Variants in MCC observed in about 807,000 individuals in gnomAD.
MCC encodes MCC regulator of Wnt signaling pathway.
A neutral mutation model predicts 116.2 loss-of-function variants in MCC; 90 were observed. The observed-to-expected ratio is 0.77, with a 90% confidence interval of 0.65 to 0.92. The LOEUF (loss-of-function observed/expected upper bound fraction) is 0.92, where lower values mean the gene tolerates loss of function less well. MCC is among the 40% of genes least tolerant of loss of function. The pLI is 0.00. For synonymous variants in MCC, 578 were observed against 510.5 expected (o/e 1.13, Z -1.78); for missense variants, 1,516 against 1,312.2 (o/e 1.16, Z -2.40).
rs574444329 is a variant in MCC, at chr5:113,450,262, T to C, written c.170+37983A>G. Among the ~76,000 whole-genome samples, 15 of 152,290 alleles carry C rather than the reference T, an allele frequency of 9.8e-5. No homozygotes were observed. The South Asian group carries it at 3.1e-3, about 32-fold the overall frequency. On this transcript the variant is annotated intron_variant, in intron 1 of 18. Coordinates refer to ENST00000408903, the MANE Select transcript of MCC (RefSeq NM_001085377.2). ...TAGCACCTTACCTTGAATTAGTTTA[T>C]TAATTTAAGCCTAGAGAATGGACTT...
chr5:113,046,986 G>C lies in MCC; in HGVS notation c.2655+2107C>G, dbSNP rs562229934. 2.0e-5 allele frequency among the ~76,000 whole-genome samples: 3 copies of C among 152,148 alleles called. No homozygotes were observed. The East Asian group carries it at 5.8e-4, about 29-fold the overall frequency. Reference sequence around the variant, plus strand: ...AGTGCATCAACTCCACAACCCTCCGGGCCATTAAACGTGCTGTCCCATCAG... The same window carrying C: ...AGTGCATCAACTCCACAACCCTCCGCGCCATTAAACGTGCTGTCCCATCAG... On this transcript the variant is annotated intron_variant, in intron 16 of 18. Coordinates refer to ENST00000408903, the MANE Select transcript of MCC (RefSeq NM_001085377.2).
chr5:113,088,301 C>T (rs1194145141), intron 8 of MCC, among the ~76,000 whole-genome samples: 2 of 151,894 alleles, frequency 1.3e-5, no homozygotes, highest in Non-Finnish European at 2.9e-5. Flanking sequence ...GAAACTAAGG[C>T]TAAAGCCAAT....
intron 3 of MCC, among the ~76,000 whole-genome samples, chr5:113,295,471 T>A (rs565284735): frequency 1.4e-4 from 21 of 151,992 alleles, no homozygotes; most frequent in African/African-American, 4.8e-4. Context: ...GTCGATAGGC[T>A]CCCCAACCCC....
chr5:113,182,891 C>T (rs1296782983), intron 3 of MCC, among the ~76,000 whole-genome samples: 1 of 152,114 alleles, frequency 6.6e-6, no homozygotes, highest in Non-Finnish European at 1.5e-5. Flanking sequence ...TGTGACGAGG[C>T]CATAGTGAAG....
chr5:113,230,895 A>C (rs1194750357), intron 3 of MCC, among the ~76,000 whole-genome samples: 1 of 152,138 alleles, frequency 6.6e-6, no homozygotes, highest in Non-Finnish European at 1.5e-5. Flanking sequence ...CCATTATCTC[A>C]ATTCTTATTA....
intron 1 of MCC, among the ~76,000 whole-genome samples, chr5:113,447,094 C>A (rs26989): frequency 6.6e-6 from 1 of 152,118 alleles, no homozygotes; most frequent in Non-Finnish European, 1.5e-5. Flanking sequence ...GGAGGTAGAG[C>A]TGGATGAAAA....
At chr5:113,072,880 T>C (rs1436324170) in intron 11 of MCC, among the ~76,000 whole-genome samples, 2 of 152,112 alleles carry the variant, frequency 1.3e-5, no homozygotes, top group African/African-American at 4.8e-5. Context: ...TGCTGTCACA[T>C]TGCCACCTCT....
intron 14 of MCC, among the ~76,000 whole-genome samples, chr5:113,055,170 A>C (rs1752750238): frequency 6.6e-6 from 1 of 152,222 alleles, no homozygotes; most frequent in Non-Finnish European, 1.5e-5. Flanking sequence ...CAGCCGAGTC[A>C]TGCGACTGGA....
chr5:113,426,436 A>C (rs534319592), intron 1 of MCC, among the ~76,000 whole-genome samples: 1 of 152,228 alleles, frequency 6.6e-6, no homozygotes, highest in African/African-American at 2.4e-5. Context: ...GTTATGCTGT[A>C]TCCACACAAT....
chr5:113,192,478 A>C (rs1301348087), intron 3 of MCC, among the ~76,000 whole-genome samples: 1 of 152,122 alleles, frequency 6.6e-6, no homozygotes, highest in East Asian at 1.9e-4. Flanking sequence ...TATACCCCCT[A>C]CCTTTTTATA....
chr5:113,119,068 A>G (rs1005970013), intron 6 of MCC, among the ~76,000 whole-genome samples: 1 of 152,074 alleles, frequency 6.6e-6, no homozygotes, highest in African/African-American at 2.4e-5. Context: ...TTCCCTGTGG[A>G]CCTGTCTGCA....
Position 113,027,369 on chromosome 5 carries a change from A to T in MCC, c.2993T>A (p.Leu998His), listed in dbSNP as rs2150204787. Residue 998 changes from leucine (L) to histidine (H), a missense_variant, in exon 19 of 19, where the codon CTC becomes CAC. Coordinates refer to ENST00000408903, the MANE Select transcript of MCC (RefSeq NM_001085377.2). ...VERHETQVRMLKQRIALLEEE... is the reference protein window; with the variant it reads ...VERHETQVRMHKQRIALLEEE... ...CTCTAGCAGAGCTATTCTTTGCTTG[A>T]GCATCCTCACTTGGGTCTCATGTCT... 2.5e-6 allele frequency: 4 copies of T among 1,614,160 alleles called. No individual in the cohort carries two copies. Among genetic ancestry groups the T allele is most frequent in the Non-Finnish European group, 3.4e-6 (4 of 1,180,040 alleles).
intron 3 of MCC, among the ~76,000 whole-genome samples, chr5:113,321,223 A>G (rs975824714): frequency 1.5e-4 from 23 of 152,242 alleles, no homozygotes; most frequent in Non-Finnish European, 2.6e-4. Context: ...AATAAAACCA[A>G]AATATATCTT....
intron 6 of MCC, among the ~76,000 whole-genome samples, chr5:113,106,031 G>C (rs1756710399): frequency 6.6e-6 from 1 of 152,150 alleles, no homozygotes; most frequent in Non-Finnish European, 1.5e-5. Context: ...GGCAACTTTA[G>C]GTTCCTCAGG....
At chr5:113,085,399 T>C (rs1755144182) in intron 8 of MCC, 89 bp from the exon 9 acceptor site, 1 of 1,291,968 alleles carries the variant, frequency 7.7e-7, no homozygotes, top group Non-Finnish European at 1.1e-6. Flanking sequence ...GGCTTTCATT[T>C]ACATTGAGGG....
At chr5:113,336,776 C>G (rs1021165935) in intron 3 of MCC, among the ~76,000 whole-genome samples, 1 of 152,208 alleles carries the variant, frequency 6.6e-6, no homozygotes, top group Non-Finnish European at 1.5e-5. Context: ...CTGTAAGTAT[C>G]TGTGTACAAC....
chr5:113,390,133 G>A (rs1396066613), intron 1 of MCC, among the ~76,000 whole-genome samples: 1 of 152,040 alleles, frequency 6.6e-6, no homozygotes, highest in Non-Finnish European at 1.5e-5. Flanking sequence ...TATTATTTCA[G>A]AAAACACATA....
intron 3 of MCC, among the ~76,000 whole-genome samples, chr5:113,212,076 C>T (rs1763154886): frequency 6.6e-6 from 1 of 152,142 alleles, no homozygotes; most frequent in Non-Finnish European, 1.5e-5. Context: ...GCAGCTTAGT[C>T]AAGGGCATTT....
intron 11 of MCC, 52 bp from the exon 12 acceptor site, chr5:113,071,286 A>G (rs749453244): frequency 1.9e-6 from 3 of 1,584,484 alleles, no homozygotes; most frequent in South Asian, 1.2e-5. Flanking sequence ...TAATTTGCCA[A>G]TATTTCAGTT....
Sources: gnomAD v4.1 joint callset for allele counts (sites outside exome capture counted in the v4.1 genomes callset) on GRCh38, gnomAD v4.1.1 for gene constraint, MANE v1.5 for transcripts, NCBI Gene and HGNC (gene_info 2026-07-23, HGNC 2026-07-21) for gene names.